The following LRRC49 variants were observed in gnomAD, a reference collection of about 807,000 sequenced individuals.
The protein encoded by LRRC49 is leucine rich repeat containing 49, also known as leucine-rich repeat-containing protein 49.
Under a neutral mutation model 83.3 loss-of-function variants are expected in LRRC49, and 50 were observed. That is an observed-to-expected ratio of 0.60 (90% CI 0.48 to 0.76). The LOEUF is 0.76. LRRC49 is among the 30% of genes least tolerant of loss of function. The pLI is 0.00. For missense variants in LRRC49, 704 were observed against 809.1 expected (o/e 0.87, Z 1.58); for synonymous variants, 286 against 283.3 (o/e 1.01, Z -0.10).
chr15:71,008,251 T>C, intron 11 of LRRC49, 128 bp from the exon 12 acceptor site: 1 of 569,016 alleles, frequency 1.8e-6, no homozygotes, highest in Non-Finnish European at 3.1e-6. Flanking sequence ...TAGTCTTTAA[T>C]GCTCTAGGTT....
intron 7 of LRRC49, among the ~76,000 whole-genome samples, chr15:70,923,866 C>T (rs1312066359): frequency 6.6e-6 from 1 of 151,570 alleles, no homozygotes; most frequent in Non-Finnish European, 1.5e-5. Context: ...GGCATAATGC[C>T]TCTTTATTGC....
At position 71,052,787 on chromosome 15, in the gene LRRC49, A is replaced by G. The variant is rs1255644882; in HGVS notation, c.*3175A>G. The stretch of plus-strand genomic sequence containing the variant: ...AAAAAACGTAACTAAGGGTATTTCA[A>G]CCAATAAATAGTAGACAGTACCCAC... On this transcript the variant is annotated 3_prime_UTR_variant, in exon 16 of 16. Transcript: ENST00000260382. 1.3e-5 allele frequency: 2 copies of G among 152,202 alleles called. No individual in the cohort carries two copies. The highest frequency in any genetic ancestry group is 2.4e-5 in the African/African-American group (1 of 41,446). 9.4% of individuals were successfully genotyped at this position (152,202 alleles called of 1,614,324 possible).
intron 7 of LRRC49, among the ~76,000 whole-genome samples, chr15:70,935,683 A>T (rs967117205): frequency 6.6e-6 from 1 of 152,244 alleles, no homozygotes; most frequent in Non-Finnish European, 1.5e-5. Flanking sequence ...ATTCAAATTA[A>T]TGTAACTGAG....
chr15:71,009,028 T>C (rs1296367605), intron 12 of LRRC49, among the ~76,000 whole-genome samples: 2 of 151,928 alleles, frequency 1.3e-5, no homozygotes, highest in African/African-American at 2.4e-5. Flanking sequence ...TCATTAAAAT[T>C]ACTTTGAGAA....
chr15:70,945,383 CA>C (rs2035970239), intron 8 of LRRC49, among the ~76,000 whole-genome samples: 3 of 152,140 alleles, frequency 2.0e-5, no homozygotes, highest in Admixed American at 2.0e-4. Flanking sequence ...GCTGTCATGG[CA>C]AAAACTGCAA....
intron 3 of LRRC49, among the ~76,000 whole-genome samples, chr15:70,896,776 T>C (rs573893421): frequency 6.6e-6 from 1 of 152,266 alleles, no homozygotes; most frequent in South Asian, 2.1e-4. Flanking sequence ...TGGGAACATA[T>C]GGCAATTTAA....
At chr15:70,988,112 G>A (rs1181646425) in intron 11 of LRRC49, among the ~76,000 whole-genome samples, 1 of 151,262 alleles carries the variant, frequency 6.6e-6, no homozygotes, top group Admixed American at 6.6e-5. Flanking sequence ...TGTATATTCT[G>A]TTGATTTGGG....
At chr15:70,891,823 C>G (rs1384325674), upstream of LRRC49, 1 of 1,536,610 alleles carries the variant, frequency 6.5e-7, no homozygotes, top group Admixed American at 1.9e-5. Flanking sequence ...CCTTACACAA[C>G]CTTCGGTGGT....
At chr15:70,896,172 A>G (rs1050948875) in intron 3 of LRRC49, among the ~76,000 whole-genome samples, 12 of 152,126 alleles carry the variant, frequency 7.9e-5, no homozygotes, top group African/African-American at 2.2e-4. Context: ...GCTATACACT[A>G]GAGAATGGAA....
intron 1 of LRRC49, among the ~76,000 whole-genome samples, chr15:70,869,669 C>T (rs1377417015): frequency 6.6e-6 from 1 of 152,182 alleles, no homozygotes; most frequent in Non-Finnish European, 1.5e-5. Context: ...ACACATGCAG[C>T]AGCCCACCCA....
chr15:70,870,955 T>TTTTGTTTTTG (rs1567030872), intron 1 of LRRC49, among the ~76,000 whole-genome samples: 23 of 151,616 alleles, frequency 1.5e-4, no homozygotes, highest in East Asian at 3.9e-4. Flanking sequence ...GTTTTTTTTT[T>TTTTGTTTTTG]TTTTTTTTTT....
Position 71,050,080 on chromosome 15 carries a change from G to T in LRRC49, c.*468G>T, listed in dbSNP as rs888986747. 1 of 154,246 alleles carries T rather than the reference G, an allele frequency of 6.5e-6. No homozygotes were observed. Among genetic ancestry groups the T allele is most frequent in the African/African-American group, 2.4e-5 (1 of 41,446 alleles). The allele number at this position is 154,246 out of a possible 1,614,324, so 9.6% of individuals were successfully genotyped here. A position where few individuals can be genotyped will look rare whatever the true frequency, so the allele number is the denominator to read the frequency against. The stretch of plus-strand genomic sequence containing the variant: ...TTACTAACAAATTAGTCAAAATAAA[G>T]TATGTTTGCCTCCTTAATTCAGTCA... On this transcript the variant is annotated 3_prime_UTR_variant, in exon 16 of 16. Coordinates refer to ENST00000260382, the MANE Select transcript of LRRC49 (RefSeq NM_017691.5).
chr15:71,029,250 G>A (rs2039272051), intron 14 of LRRC49, among the ~76,000 whole-genome samples: 1 of 151,992 alleles, frequency 6.6e-6, no homozygotes, highest in African/African-American at 2.4e-5. Context: ...ATGTAGTTGT[G>A]TACTATTTTC....
intron 5 of LRRC49, among the ~76,000 whole-genome samples, chr15:70,906,098 C>CTTTT (rs976292654): frequency 7.6e-6 from 1 of 130,834 alleles, no homozygotes; most frequent in Admixed American, 7.7e-5. Flanking sequence ...ATTTTTTTTT[C>CTTTT]TTTTTTTTTT....
Position 70,893,608 on chromosome 15 carries a change from A to G in LRRC49, c.73A>G (p.Ile25Val). 2 of 1,611,586 alleles carry G rather than the reference A, an allele frequency of 1.2e-6. No individual in the cohort carries two copies. Among genetic ancestry groups the G allele is most frequent in the East Asian group, 2.2e-5 (1 of 44,800 alleles). ...NNVNCGLHLV[I>V]QTSSLPEKNK... ...GGTGAACTGCGGGCTTCATCTGGTT[A>G]TTCAAACATCATCGCTTCCTGAAAA... Residue 25 changes from isoleucine to valine, a missense_variant, in exon 2 of 16, where the codon ATT becomes GTT. Transcript: ENST00000260382.
At chr15:70,998,375 A>G (rs2141248645) in intron 11 of LRRC49, among the ~76,000 whole-genome samples, 1 of 152,288 alleles carries the variant, frequency 6.6e-6, no homozygotes, top group African/African-American at 2.4e-5. Context: ...TACTAGTAAT[A>G]AATTCCCTCA....
intron 11 of LRRC49, among the ~76,000 whole-genome samples, chr15:70,990,677 A>G (rs2037842669): frequency 6.6e-6 from 1 of 152,176 alleles, no homozygotes; most frequent in Admixed American, 6.5e-5. Context: ...CCCTAGTGAG[A>G]TGAACCCAGT....
Position 70,941,784 on chromosome 15 carries a change from G to A in LRRC49, c.773+4962G>A, listed in dbSNP as rs149567397. On this transcript the variant is annotated intron_variant, in intron 8 of 15. Transcript: ENST00000260382. ...ATTTTATTTATAACATTATAAAGTG[G>A]AGAGTGCTACCGTGTATGCTTTCCA... 5.9e-5 allele frequency among the ~76,000 whole-genome samples: 9 copies of A among 152,164 alleles called. No homozygotes were observed. The East Asian group carries it at 1.7e-3, about 29-fold the overall frequency.
intron 9 of LRRC49, among the ~76,000 whole-genome samples, chr15:70,978,545 G>A (rs887172228): frequency 4.6e-5 from 7 of 152,144 alleles, no homozygotes; most frequent in African/African-American, 1.7e-4. Flanking sequence ...TTGGTGAACA[G>A]CTTTTATGAA....
Sources: gnomAD v4.1 joint callset for allele counts (sites outside exome capture counted in the v4.1 genomes callset) on GRCh38, gnomAD v4.1.1 for gene constraint, MANE v1.5 for transcripts, NCBI Gene and HGNC (gene_info 2026-07-23, HGNC 2026-07-21) for gene names.